Variants in RHOV observed in about 807,000 individuals in gnomAD.
The protein encoded by RHOV is ras homolog family member V, also known as rho-related GTP-binding protein RhoV.
RHOV carries 6 observed loss-of-function variants against 20.2 expected under a neutral mutation model. The observed-to-expected ratio is 0.30, with a 90% CI of 0.16 to 0.59. RHOV has a LOEUF of 0.59. Among genes scored for constraint, RHOV ranks in the 20% least tolerant of loss-of-function variants. The pLI is 0.89. For synonymous variants in RHOV, 136 were observed against 142.3 expected (o/e 0.96, Z 0.31); for missense variants, 275 against 319.4 (o/e 0.86, Z 1.06).
chr15:40,873,285 G>C lies in RHOV; in HGVS notation c.484C>G (p.Arg162Gly). The C allele has an allele frequency of 6.2e-7, 1 of 1,613,844 alleles. No homozygotes were observed. Among genetic ancestry groups the C allele is most frequent in the Non-Finnish European group, 8.5e-7 (1 of 1,180,006 alleles). ...NVLIQLDQGGREGPVPQPQAQ... is the reference protein window; with the variant it reads ...NVLIQLDQGGGEGPVPQPQAQ... ...TGGGGTTGGGGCACGGGGCCCTCCC[G>C]GCCCCCCTGGTCCAGCTGAATTAGT... Residue 162 changes from arginine (R) to glycine (G), a missense_variant, in exon 3 of 3, where the codon CGG becomes GGG. Coordinates refer to ENST00000220507, the MANE Select transcript of RHOV (RefSeq NM_133639.4).
intron 2 of RHOV, 75 bp from the exon 3 acceptor site, chr15:40,873,576 C>T: frequency 6.3e-7 from 1 of 1,586,554 alleles, no homozygotes; most frequent in Non-Finnish European, 8.6e-7. Context: ...GGGCTGGAAA[C>T]CTGAGACTCC....
In RHOV at chr15:40,873,322, G is replaced by T. The variant is rs913869128; in HGVS notation, c.447C>A (p.Asp149Glu). The T allele has an allele frequency of 1.9e-6, 3 of 1,613,116 alleles. No homozygotes were observed. The highest frequency in any genetic ancestry group is 2.5e-6 in the Non-Finnish European group (3 of 1,179,936). ...LLVGTQADLRDDVNVLIQLDQ... is the reference protein window; with the variant it reads ...LLVGTQADLREDVNVLIQLDQ... ...CCAGCTGAATTAGTACGTTGACATC[G>T]TCCCTCAGGTCGGCCTGGGTGCCCA... Residue 149 changes from aspartate (D) to glutamate (E), a missense_variant, in exon 3 of 3, where the codon GAC (aspartate) becomes GAA (glutamate). By Grantham distance (45) the Asp-to-Glu change is conservative. Coordinates refer to ENST00000220507, the MANE Select transcript of RHOV (RefSeq NM_133639.4).
At position 40,873,113 on chromosome 15, in the gene RHOV, T is replaced by C; in HGVS notation, c.656A>G (p.Lys219Arg). 6.2e-7 allele frequency: 1 copy of C among 1,614,230 alleles called. No homozygotes were observed. Among genetic ancestry groups the C allele is most frequent in the Non-Finnish European group, 8.5e-7 (1 of 1,180,020 alleles). ...GCAGCGGGAGAGGGTGCGCACACCT[T>C]TGGCATTCAGTTTCTTCTCCAGCCG... ...KARLEKKLNA[K>R]GVRTLSRCRW... Residue 219 changes from lysine (K) to arginine (R), a missense_variant, in exon 3 of 3, where the codon AAA (lysine) becomes AGA (arginine). Lys to Arg is a conservative substitution (Grantham distance 26). Coordinates refer to ENST00000220507, the MANE Select transcript of RHOV (RefSeq NM_133639.4).
Position 40,873,273 on chromosome 15 carries a change from C to T in RHOV, c.496G>A (p.Val166Met). Reference sequence around the variant, plus strand: ...AGACCCTGAGCCTGGGGTTGGGGCACGGGGCCCTCCCGGCCCCCCTGGTCC... The same window carrying T: ...AGACCCTGAGCCTGGGGTTGGGGCATGGGGCCCTCCCGGCCCCCCTGGTCC... ...QLDQGGREGP[V>M]PQPQAQGLAE... The change falls in exon 3 of 3, where the codon GTG becomes ATG. Residue 166 changes from valine to methionine, a missense_variant. By Grantham distance (21) the Val-to-Met change is conservative. Coordinates refer to ENST00000220507, the MANE Select transcript of RHOV (RefSeq NM_133639.4). 1 of 1,613,992 alleles carries T rather than the reference C, an allele frequency of 6.2e-7. No homozygotes were observed. Among genetic ancestry groups the T allele is most frequent in the Non-Finnish European group, 8.5e-7 (1 of 1,180,010 alleles).
chr15:40,873,326 C>G lies in RHOV; in HGVS notation c.443G>C (p.Arg148Thr), dbSNP rs752426836. 2 of 1,613,192 alleles carry G rather than the reference C, an allele frequency of 1.2e-6. No homozygotes were observed. Among genetic ancestry groups the G allele is most frequent in the South Asian group, 2.2e-5 (2 of 91,062 alleles). ...CTGAATTAGTACGTTGACATCGTCC[C>G]TCAGGTCGGCCTGGGTGCCCACCAG... ...VLLVGTQADL[R>T]DDVNVLIQLD... Residue 148 changes from arginine (R) to threonine (T), a missense_variant, in exon 3 of 3, where the codon AGG becomes ACG. Transcript: ENST00000220507.
rs570360368 is a variant in RHOV, at chr15:40,874,233, G to C, written c.-94C>G. The C allele has an allele frequency of 6.0e-4, 302 of 503,930 alleles. 1 individual carries two copies. Among genetic ancestry groups the C allele is most frequent in the African/African-American group, 5.5e-3 (272 of 49,426 alleles). The allele number at this position is 503,930 out of a possible 1,614,324, so 31.2% of individuals were successfully genotyped here. On this transcript the variant is annotated 5_prime_UTR_variant, in exon 1 of 3. Coordinates refer to ENST00000220507, the MANE Select transcript of RHOV (RefSeq NM_133639.4). The stretch of plus-strand genomic sequence containing the variant: ...CCGCTGGCTGCCTCTGACTGAATGG[G>C]TCCAGGCTGGGCGAGTCGGCCCAGC...
At position 40,872,990 on chromosome 15, in the gene RHOV, G is replaced by T; in HGVS notation, c.*68C>A. 1.5e-6 allele frequency: 2 copies of T among 1,291,014 alleles called. No individual in the cohort carries two copies. Among genetic ancestry groups the T allele is most frequent in the Non-Finnish European group, 2.2e-6 (2 of 911,008 alleles). The allele number at this position is 1,291,014 out of a possible 1,614,324, so 80.0% of individuals were successfully genotyped here. On this transcript the variant is annotated 3_prime_UTR_variant, in exon 3 of 3. Coordinates refer to ENST00000220507, the MANE Select transcript of RHOV (RefSeq NM_133639.4). ...GGCCCTGCCAGTAGCTGCCGCAAAG[G>T]CCCGGGTGCCCCAGGTCTCAGAAGT...
At chr15:40,873,875 C>T (rs531548926) in intron 1 of RHOV, 57 bp downstream of exon 1, 14 of 1,559,310 alleles carry the variant, frequency 9.0e-6, no homozygotes, top group African/African-American at 2.7e-5. Flanking sequence ...GCCCCAGCTC[C>T]CCGGTGCACA....
At position 40,873,413 on chromosome 15, in the gene RHOV, T is replaced by C; in HGVS notation, c.356A>G (p.Gln119Arg). 1 of 1,613,068 alleles carries C rather than the reference T, an allele frequency of 6.2e-7. No homozygotes were observed. Among genetic ancestry groups the C allele is most frequent in the Non-Finnish European group, 8.5e-7 (1 of 1,179,882 alleles). ...CFSVVQPSSF[Q>R]NITEKWLPEI... ...GGGCAGCCATTTCTCTGTGATGTTT[T>C]GAAAGGAGCTGGGCTGCACCACGCT... Residue 119 changes from glutamine to arginine, a missense_variant, in exon 3 of 3, where the codon CAA becomes CGA. Transcript: ENST00000220507.
rs1169596189 is a variant in RHOV, at chr15:40,873,958, C to T, written c.182G>A (p.Arg61Gln). The T allele has an allele frequency of 9.3e-6, 15 of 1,611,024 alleles. No individual in the cohort carries two copies. The highest frequency in any genetic ancestry group is 1.3e-5 in the Non-Finnish European group (15 of 1,179,048). ...YTCNGYPARY[R>Q]PTALDTFSVQ... ...AGAGAAGGTGTCCAGCGCAGTGGGC[C>T]GGTAGCGCGCGGGGTACCCATTGCA... Residue 61 changes from arginine to glutamine, a missense_variant, in exon 1 of 3, where the codon CGG becomes CAG. By Grantham distance (43) the Arg-to-Gln change is conservative (BLOSUM62 1). Transcript: ENST00000220507.
chr15:40,873,333 C>T lies in RHOV; in HGVS notation c.436G>A (p.Asp146Asn), dbSNP rs1420683111. Reference sequence around the variant, plus strand: ...AGTACGTTGACATCGTCCCTCAGGTCGGCCTGGGTGCCCACCAGCAGCACA... The same window carrying T: ...AGTACGTTGACATCGTCCCTCAGGTTGGCCTGGGTGCCCACCAGCAGCACA... ...APVLLVGTQA[D>N]LRDDVNVLIQ... The change falls in exon 3 of 3, where the codon GAC becomes AAC. Residue 146 changes from aspartate (D) to asparagine (N), a missense_variant. Coordinates refer to ENST00000220507, the MANE Select transcript of RHOV (RefSeq NM_133639.4). 11 of 1,613,058 alleles carry T rather than the reference C, an allele frequency of 6.8e-6. No individual in the cohort carries two copies. The highest frequency in any genetic ancestry group is 1.1e-5 in the South Asian group (1 of 91,048).
intron 2 of RHOV, 71 bp downstream of exon 2, chr15:40,873,613 T>G (rs1891919228): frequency 1.3e-6 from 2 of 1,583,852 alleles, no homozygotes; most frequent in South Asian, 1.1e-5. Flanking sequence ...CTCCATTTGC[T>G]CCATATGGGG....
Position 40,873,947 on chromosome 15 carries a change from G to T in RHOV, c.193C>A (p.Leu65Met). 2 of 1,611,162 alleles carry T rather than the reference G, an allele frequency of 1.2e-6. No homozygotes were observed. Among genetic ancestry groups the T allele is most frequent in the Non-Finnish European group, 1.7e-6 (2 of 1,179,012 alleles). ...GYPARYRPTALDTFSVQVLVD... is the reference protein window; with the variant it reads ...GYPARYRPTAMDTFSVQVLVD... ...ACGTACGTACCAGAGAAGGTGTCCA[G>T]CGCAGTGGGCCGGTAGCGCGCGGGG... The change falls in exon 1 of 3, where the codon CTG (leucine) becomes ATG (methionine). Residue 65 changes from leucine to methionine, a missense_variant. Physicochemically the swap from Leu to Met is conservative, Grantham distance 15. Transcript: ENST00000220507.
In RHOV at chr15:40,872,308, C is replaced by G. The variant is rs897609849; in HGVS notation, c.*750G>C. ...AAGGGATGATCCCCAACCCGGTCCT[C>G]CTTCAGGTTCTAATTTGCAGCTCCT... is the stretch of plus-strand genomic sequence containing the variant. On this transcript the variant is annotated 3_prime_UTR_variant, in exon 3 of 3. Coordinates refer to ENST00000220507, the MANE Select transcript of RHOV (RefSeq NM_133639.4). The G allele has an allele frequency of 6.6e-6, 1 of 152,618 alleles. No individual in the cohort carries two copies. Among genetic ancestry groups the G allele is most frequent in the African/African-American group, 2.4e-5 (1 of 41,474 alleles). 9.5% of individuals were successfully genotyped at this position (152,618 alleles called of 1,614,324 possible).
At position 40,872,869 on chromosome 15, in the gene RHOV, T is replaced by C; in HGVS notation, c.*189A>G. 1.8e-6 allele frequency: 1 copy of C among 562,896 alleles called. No individual in the cohort carries two copies. 34.9% of individuals were successfully genotyped at this position (562,896 alleles called of 1,614,324 possible). Reference sequence around the variant, plus strand: ...GACTGGAGAAATCCAAATCAGAGCCTTCCCTCCTAGGCTCACCCAGGCATA... The same window carrying C: ...GACTGGAGAAATCCAAATCAGAGCCCTCCCTCCTAGGCTCACCCAGGCATA... On this transcript the variant is annotated 3_prime_UTR_variant, in exon 3 of 3. Transcript: ENST00000220507.
chr15:40,873,110 C>G lies in RHOV; in HGVS notation c.659G>C (p.Gly220Ala). The part of the protein sequence containing the change: ...ARLEKKLNAK[G>A]VRTLSRCRWK... ...GCGGCAGCGGGAGAGGGTGCGCACA[C>G]CTTTGGCATTCAGTTTCTTCTCCAG... Residue 220 changes from glycine (G) to alanine (A), a missense_variant, in exon 3 of 3, where the codon GGT (glycine) becomes GCT (alanine). By Grantham distance (60) the Gly-to-Ala change is moderately conservative. Coordinates refer to ENST00000220507, the MANE Select transcript of RHOV (RefSeq NM_133639.4). 6.2e-7 allele frequency: 1 copy of G among 1,614,252 alleles called. No homozygotes were observed. Among genetic ancestry groups the G allele is most frequent in the East Asian group, 2.2e-5 (1 of 44,892 alleles).
chr15:40,874,093 G>A lies in RHOV; in HGVS notation c.47C>T (p.Ala16Val). ...ACGCCGCCGCGGGGGAGGGGTCGGG[G>A]CCCGGAGCGGGGGCGGCTCGGCCTC... Reference protein sequence around the residue: ...LSEAEPPPLRAPTPPPRRRSA... With the variant: ...LSEAEPPPLRVPTPPPRRRSA... Residue 16 changes from alanine to valine, a missense_variant, in exon 1 of 3, where the codon GCC becomes GTC. Ala to Val is a moderately conservative substitution (Grantham distance 64, BLOSUM62 0). Transcript: ENST00000220507. The A allele has an allele frequency of 6.8e-7, 1 of 1,469,606 alleles. No homozygotes were observed. The highest frequency in any genetic ancestry group is 9.0e-7 in the Non-Finnish European group (1 of 1,114,520). 91.0% of individuals were successfully genotyped at this position (1,469,606 alleles called of 1,614,324 possible).
At position 40,873,268 on chromosome 15, in the gene RHOV, G is replaced by A. The variant is rs1216947306; in HGVS notation, c.501C>T (p.Pro167=). The change falls in exon 3 of 3, where the codon CCC becomes CCT. Residue 167 remains proline, a synonymous_variant. Coordinates refer to ENST00000220507, the MANE Select transcript of RHOV (RefSeq NM_133639.4). ...LDQGGREGPV[P]QPQAQGLAEK... is the part of the protein sequence containing the mutation. ...CGGCCAGACCCTGAGCCTGGGGTTG[G>A]GGCACGGGGCCCTCCCGGCCCCCCT... 6.2e-7 allele frequency: 1 copy of A among 1,613,988 alleles called. No homozygotes were observed. Among genetic ancestry groups the A allele is most frequent in the Non-Finnish European group, 8.5e-7 (1 of 1,180,034 alleles).
rs1891903460 is a variant in RHOV at position 40,872,857 on chromosome 15, C to T, written c.*201G>A. ...TCTGTGAGCTTTGACTGGAGAAATC[C>T]AAATCAGAGCCTTCCCTCCTAGGCT... On this transcript the variant is annotated 3_prime_UTR_variant, in exon 3 of 3. Coordinates refer to ENST00000220507, the MANE Select transcript of RHOV (RefSeq NM_133639.4). 4 of 549,384 alleles carry T rather than the reference C, an allele frequency of 7.3e-6. No homozygotes were observed. Among genetic ancestry groups the T allele is most frequent in the Non-Finnish European group, 1.3e-5 (4 of 311,302 alleles). 34.0% of individuals were successfully genotyped at this position (549,384 alleles called of 1,614,324 possible). A position where few individuals can be genotyped will look rare whatever the true frequency, so the allele number is the denominator to read the frequency against.
Sources: gnomAD v4.1 joint callset for allele counts on GRCh38, gnomAD v4.1.1 for gene constraint, MANE v1.5 for transcripts, NCBI Gene and HGNC (gene_info 2026-07-23, HGNC 2026-07-21) for gene names.